Variants in LHFPL2 observed in about 807,000 individuals in gnomAD.
The protein encoded by LHFPL2 is LHFPL tetraspan subfamily member 2 protein.
LHFPL2 carries 7 observed loss-of-function variants against 17.5 expected under a neutral mutation model. That is an observed-to-expected ratio of 0.40 (90% CI 0.23 to 0.75). LHFPL2 has a LOEUF of 0.75. Ranked by LOEUF, LHFPL2 falls within the 30% of genes least tolerant of loss-of-function variation. The pLI is 0.37. For missense variants in LHFPL2, 241 were observed against 294.8 expected (o/e 0.82, Z 1.34); for synonymous variants, 134 against 116.2 (o/e 1.15, Z -0.99).
intron 3 of LHFPL2, among the ~76,000 whole-genome samples, chr5:78,561,394 T>G (rs1756722650): frequency 6.6e-6 from 1 of 152,206 alleles, no homozygotes; most frequent in African/African-American, 2.4e-5. Flanking sequence ...GTATAGCGCT[T>G]TCACTTTGCC....
At chr5:78,637,208 G>A (rs751973467) in intron 1 of LHFPL2, among the ~76,000 whole-genome samples, 95 of 152,158 alleles carry the variant, frequency 6.2e-4, no homozygotes, top group Admixed American at 1.5e-3. Flanking sequence ...GCAAGTTTCA[G>A]AAATAATGCT....
At chr5:78,515,698 C>T (rs1377253117) in intron 3 of LHFPL2, among the ~76,000 whole-genome samples, 4 of 152,242 alleles carry the variant, frequency 2.6e-5, no homozygotes, top group Admixed American at 2.6e-4. Context: ...TGGTCCCCAA[C>T]CAACCACTGA....
At chr5:78,560,951 G>C (rs1756710214) in intron 3 of LHFPL2, among the ~76,000 whole-genome samples, 1 of 152,008 alleles carries the variant, frequency 6.6e-6, no homozygotes, top group South Asian at 2.1e-4. Flanking sequence ...ATTTTTAGTA[G>C]CAACATTAAA....
At chr5:78,621,015 T>C (rs1032325122) in intron 2 of LHFPL2, among the ~76,000 whole-genome samples, 4 of 151,370 alleles carry the variant, frequency 2.6e-5, no homozygotes, top group Non-Finnish European at 5.9e-5. Context: ...TCACCCAGGC[T>C]GGAGTGTAGT....
chr5:78,605,682 T>C (rs1249129215), intron 2 of LHFPL2, among the ~76,000 whole-genome samples: 1 of 152,178 alleles, frequency 6.6e-6, no homozygotes, highest in Non-Finnish European at 1.5e-5. Flanking sequence ...ACTGAGCCAC[T>C]TTCTCCTTTG....
At chr5:78,633,870 C>T (rs1037335266) in intron 1 of LHFPL2, among the ~76,000 whole-genome samples, 10 of 152,132 alleles carry the variant, frequency 6.6e-5, no homozygotes, top group Non-Finnish European at 1.5e-4. Flanking sequence ...TTAGACATTT[C>T]TCCTCCCACC....
intron 3 of LHFPL2, among the ~76,000 whole-genome samples, chr5:78,531,041 A>T (rs1469618095): frequency 6.6e-6 from 1 of 152,258 alleles, no homozygotes; most frequent in Non-Finnish European, 1.5e-5. Flanking sequence ...CAGCAGAGGC[A>T]CAAAATTTAA....
chr5:78,599,369 G>A (rs557623068), intron 2 of LHFPL2, among the ~76,000 whole-genome samples: 13 of 152,078 alleles, frequency 8.5e-5, no homozygotes, highest in South Asian at 8.3e-4. Flanking sequence ...GCTCAATCTC[G>A]GCTCACTGCA....
At chr5:78,607,297 G>GAATACTA (rs1303680214) in intron 2 of LHFPL2, among the ~76,000 whole-genome samples, 1 of 151,458 alleles carries the variant, frequency 6.6e-6, no homozygotes, top group Non-Finnish European at 1.5e-5. Flanking sequence ...ATTCTTAGTA[G>GAATACTA]AGACGGGGTT....
chr5:78,636,625 A>G (rs1374145242), intron 1 of LHFPL2, among the ~76,000 whole-genome samples: 1 of 152,230 alleles, frequency 6.6e-6, no homozygotes, highest in East Asian at 1.9e-4. Flanking sequence ...GTCATCCATT[A>G]CTTAACAACG....
chr5:78,518,025 T>C (rs1386711914), intron 3 of LHFPL2, among the ~76,000 whole-genome samples: 1 of 152,244 alleles, frequency 6.6e-6, no homozygotes, highest in Admixed American at 6.5e-5. Flanking sequence ...TAAAATCTGA[T>C]GTAGCCCAGA....
At chr5:78,542,962 AT>A (rs1231635843) in intron 3 of LHFPL2, among the ~76,000 whole-genome samples, 1 of 152,148 alleles carries the variant, frequency 6.6e-6, no homozygotes, top group African/African-American at 2.4e-5. Flanking sequence ...CCAAGAAATT[AT>A]TTTTTCCTAA....
At position 78,486,027 on chromosome 5, in the gene LHFPL2, AACAT is replaced by A. The variant is rs1459707874; in HGVS notation, c.*2866_*2869del. 3 of 152,592 alleles carry A rather than the reference AACAT, an allele frequency of 2.0e-5. No individual in the cohort carries two copies. The highest frequency in any genetic ancestry group is 2.4e-5 in the African/African-American group (1 of 41,434). 9.5% of individuals were successfully genotyped at this position (152,592 alleles called of 1,614,324 possible). A position where few individuals can be genotyped will look rare whatever the true frequency, so the allele number is the denominator to read the frequency against. On this transcript the variant is annotated 3_prime_UTR_variant, in exon 5 of 5. Coordinates refer to ENST00000380345, the MANE Select transcript of LHFPL2 (RefSeq NM_005779.3). ...TCCAGTTTCCAAAACAAAACAACAA[AACAT>A]ACATACACCTTTGTTATTGCACATC... is the stretch of plus-strand genomic sequence containing the variant.
At chr5:78,532,320 A>G (rs867775474) in intron 3 of LHFPL2, among the ~76,000 whole-genome samples, 53 of 152,164 alleles carry the variant, frequency 3.5e-4, no homozygotes, top group African/African-American at 1.2e-3. Flanking sequence ...TTGGCCTCCT[A>G]AAGTCCTGGG....
chr5:78,572,617 T>C (rs1757031647), intron 2 of LHFPL2, among the ~76,000 whole-genome samples: 1 of 151,952 alleles, frequency 6.6e-6, no homozygotes, highest in Non-Finnish European at 1.5e-5. Flanking sequence ...TGACAAGTAT[T>C]TGGGTACAGC....
At chr5:78,629,565 A>G (rs1745171244) in intron 2 of LHFPL2, among the ~76,000 whole-genome samples, 1 of 152,258 alleles carries the variant, frequency 6.6e-6, no homozygotes, top group Non-Finnish European at 1.5e-5. Context: ...AACTACAACT[A>G]AAGATAAAGG....
chr5:78,490,140 T>A (rs188287056), intron 4 of LHFPL2, among the ~76,000 whole-genome samples: 1 of 152,278 alleles, frequency 6.6e-6, no homozygotes, highest in Non-Finnish European at 1.5e-5. Flanking sequence ...TACTTCCATT[T>A]TGCTGACCCT....
intron 2 of LHFPL2, among the ~76,000 whole-genome samples, chr5:78,612,106 T>C (rs1005810295): frequency 6.6e-6 from 1 of 152,232 alleles, no homozygotes; most frequent in African/African-American, 2.4e-5. Flanking sequence ...AAAAGGATTA[T>C]GACATTCCAT....
At chr5:78,572,831 C>T (rs1003180053) in intron 2 of LHFPL2, among the ~76,000 whole-genome samples, 1 of 152,116 alleles carries the variant, frequency 6.6e-6, no homozygotes. Context: ...TTTCTGTGGG[C>T]AATGGGTAAG....
Sources: gnomAD v4.1 joint callset for allele counts (sites outside exome capture counted in the v4.1 genomes callset) on GRCh38, gnomAD v4.1.1 for gene constraint, MANE v1.5 for transcripts, NCBI Gene and HGNC (gene_info 2026-07-23, HGNC 2026-07-21) for gene names.